HABP2: variants seen among roughly 807,000 people sequenced by gnomAD.
HABP2 encodes hyaluronan binding protein 2.
HABP2 carries 65 observed loss-of-function variants against 66.5 expected under a neutral mutation model. That is an observed-to-expected ratio of 0.98 (90% confidence interval 0.80 to 1.20). HABP2 has a LOEUF of 1.20. Ranked by LOEUF, HABP2 falls within the 50% of genes most tolerant of loss-of-function variation. HABP2 has a pLI of 0.00. For missense variants in HABP2, 786 were observed against 691.0 expected (o/e 1.14, Z -1.54); for synonymous variants, 263 against 253.9 (o/e 1.04, Z -0.34).
At chr10:113,582,174 T>TG (rs753835220) in intron 9 of HABP2, 43 bp downstream of exon 9, 2 of 1,565,672 alleles carry the variant, frequency 1.3e-6, no homozygotes, top group Non-Finnish European at 1.7e-6. Flanking sequence ...CTTGAGTGGC[T>TG]GGGGGTGCTC....
chr10:113,566,583 GAC>G (rs1242378713), intron 1 of HABP2, among the ~76,000 whole-genome samples: 1 of 152,212 alleles, frequency 6.6e-6, no homozygotes, highest in African/African-American at 2.4e-5. Flanking sequence ...CTTTCTGGAG[GAC>G]AGAGTCTGAT....
chr10:113,570,669 G>C (rs937867826), intron 2 of HABP2, among the ~76,000 whole-genome samples: 11 of 152,306 alleles, frequency 7.2e-5, no homozygotes, highest in Non-Finnish European at 1.6e-4. Flanking sequence ...AAGTACATTT[G>C]ACCCATTTCT....
In HABP2 at chr10:113,584,270, G is replaced by A. The variant is rs1240431958; in HGVS notation, c.1360G>A (p.Val454Ile). Residue 454 changes from valine to isoleucine, a missense_variant, in exon 11 of 13, where the codon GTT (valine) becomes ATT (isoleucine). Transcript: ENST00000351270. The part of the protein sequence containing the change: ...GSECHISGWG[V>I]TETGKGSRQL... The stretch of plus-strand genomic sequence containing the variant: ...TGAGTGCCACATCTCTGGCTGGGGT[G>A]TTACAGAAACAGGTGAGTCGGCCAT... 1 of 1,613,896 alleles carries A rather than the reference G, an allele frequency of 6.2e-7. No homozygotes were observed. Among genetic ancestry groups the A allele is most frequent in the Non-Finnish European group, 8.5e-7 (1 of 1,179,874 alleles).
chr10:113,583,474 A>G (rs1845579156), intron 10 of HABP2, 116 bp downstream of exon 10: 2 of 868,162 alleles, frequency 2.3e-6, no homozygotes, highest in Non-Finnish European at 3.7e-6. Flanking sequence ...GTCCCTGTGG[A>G]CCCTGTGCGG....
intron 7 of HABP2, 55 bp downstream of exon 7, chr10:113,578,853 A>T (rs117105950): frequency 8.4e-7 from 1 of 1,184,532 alleles, no homozygotes; most frequent in East Asian, 2.3e-5. Flanking sequence ...TTTAAAACAG[A>T]TCATTGAAAT....
upstream of HABP2, chr10:113,551,109 C>T (rs1844890872): frequency 6.6e-6 from 1 of 152,230 alleles, no homozygotes; most frequent in South Asian, 2.1e-4. Flanking sequence ...GATAACATGT[C>T]CAACTGTCAC....
At chr10:113,560,305 C>CACCTATTAGGATGGCTCACTTCAT (rs1485012939) in intron 1 of HABP2, among the ~76,000 whole-genome samples, 1 of 152,224 alleles carries the variant, frequency 6.6e-6, no homozygotes, top group Admixed American at 6.5e-5. Flanking sequence ...CACCACTTCA[C>CACCTATTAGGATGGCTCACTTCAT]ACCTATTAGG....
intron 1 of HABP2, among the ~76,000 whole-genome samples, chr10:113,564,815 T>C (rs181355422): frequency 7.2e-6 from 1 of 139,136 alleles, no homozygotes; most frequent in Admixed American, 7.9e-5. Context: ...GCAAGTAAAT[T>C]GTAGACATCA....
Position 113,585,941 on chromosome 10 carries a change from CAG to C in HABP2, c.1518+7_1518+8del, listed in dbSNP as rs1564681958. 6.2e-7 allele frequency: 1 copy of C among 1,612,982 alleles called. No individual in the cohort carries two copies. ...AACCTGGGCAAGACACCTGCCAGGT[CAG>C]AGACTCCAAGTGGTGCTTGTGGTAG... On this transcript the variant is annotated splice_donor_5th_base_variant and intron_variant, in intron 12 of 12. Coordinates refer to ENST00000351270, the MANE Select transcript of HABP2 (RefSeq NM_004132.5).
At position 113,580,599 on chromosome 10, in the gene HABP2, C is replaced by T; in HGVS notation, c.745C>T (p.Pro249Ser). 6.5e-7 allele frequency: 1 copy of T among 1,540,324 alleles called. No homozygotes were observed. The highest frequency in any genetic ancestry group is 9.0e-7 in the Non-Finnish European group (1 of 1,112,782). ...TTGTTTTGTTTTGTATTTTAGAAACCCAGATGCGGACGAAAAGCCCTGGTG... is the reference window on the plus strand; with the variant it reads ...TTGTTTTGTTTTGTATTTTAGAAACTCAGATGCGGACGAAAAGCCCTGGTG... ...GIGEHNFCRN[P>S]DADEKPWCFI... The change falls in exon 8 of 13, where the codon CCA becomes TCA. Residue 249 changes from proline to serine, a missense_variant. Transcript: ENST00000351270.
rs137887980 is a variant in HABP2 at position 113,567,025 on chromosome 10, C to T, written c.70-464C>T. Among the ~76,000 whole-genome samples the T allele has an allele frequency of 4.6e-5, 7 of 152,314 alleles. No individual in the cohort carries two copies. In the East Asian group the frequency reaches 1.3e-3, roughly 29 times the overall value. The stretch of plus-strand genomic sequence containing the variant: ...TCACCTGAAGAAATCACCTAGATTT[C>T]AGCATGAATTCCGAATCCTATCACA... On this transcript the variant is annotated intron_variant, in intron 1 of 12. Transcript: ENST00000351270.
intron 1 of HABP2, among the ~76,000 whole-genome samples, chr10:113,566,651 G>T (rs1030087867): frequency 6.6e-6 from 1 of 152,222 alleles, no homozygotes; most frequent in Admixed American, 6.5e-5. Flanking sequence ...CTGCAGTAAG[G>T]ATTATGGAGG....
chr10:113,587,049 T>C (rs1008937336), intron 12 of HABP2, among the ~76,000 whole-genome samples: 3 of 152,226 alleles, frequency 2.0e-5, no homozygotes, highest in Non-Finnish European at 4.4e-5. Flanking sequence ...GCGTGGTGGC[T>C]CAAGCCTGTA....
Position 113,589,154 on chromosome 10 carries a change from C to T in HABP2, c.*785C>T, listed in dbSNP as rs947778297. On this transcript the variant is annotated 3_prime_UTR_variant, in exon 13 of 13. Transcript: ENST00000351270. ...ACTCCCGGCCCCGGTTCCCACAGGA[C>T]ACGCTAAGAAGCACAGGGAGCATTT... 20 of 1,231,024 alleles carry T rather than the reference C, an allele frequency of 1.6e-5. No individual in the cohort carries two copies. In the African/African-American group the frequency reaches 2.4e-4, roughly 15 times the overall value. 76.3% of individuals were successfully genotyped at this position (1,231,024 alleles called of 1,614,324 possible). A position where few individuals can be genotyped will look rare whatever the true frequency, so the allele number is the denominator to read the frequency against.
intron 12 of HABP2, among the ~76,000 whole-genome samples, chr10:113,586,724 T>C (rs1256058016): frequency 1.3e-5 from 2 of 152,162 alleles, no homozygotes; most frequent in East Asian, 3.9e-4. Flanking sequence ...AACACCTCCA[T>C]TTAGAATTTT....
At chr10:113,566,415 G>A (rs1053055152) in intron 1 of HABP2, among the ~76,000 whole-genome samples, 4 of 152,264 alleles carry the variant, frequency 2.6e-5, no homozygotes, top group African/African-American at 7.2e-5. Flanking sequence ...GTTATTAAAT[G>A]AGTAATACTT....
Position 113,589,058 on chromosome 10 carries a change from C to A in HABP2, c.*689C>A. 6.2e-7 allele frequency: 1 copy of A among 1,613,984 alleles called. No individual in the cohort carries two copies. Among genetic ancestry groups the A allele is most frequent in the Non-Finnish European group, 8.5e-7 (1 of 1,179,974 alleles). On this transcript the variant is annotated 3_prime_UTR_variant, in exon 13 of 13. Transcript: ENST00000351270. ...ACCTCCCCACTCTGATGATCTCCAG[C>A]CTCCACTGCTTCTGCCCCCCGCTGC...
intron 1 of HABP2, among the ~76,000 whole-genome samples, chr10:113,565,613 T>C (rs1845184048): frequency 6.6e-6 from 1 of 152,186 alleles, no homozygotes; most frequent in Non-Finnish European, 1.5e-5. Context: ...TGCCCCAACA[T>C]TGAGGCCCCA....
chr10:113,566,773 G>T (rs1325244681), intron 1 of HABP2, among the ~76,000 whole-genome samples: 2 of 152,198 alleles, frequency 1.3e-5, no homozygotes, highest in African/African-American at 2.4e-5. Flanking sequence ...ATAGAGGGGG[G>T]CTTCCAGGCA....
Sources: allele counts gnomAD v4.1 joint callset (sites outside exome capture counted in the v4.1 genomes callset), GRCh38; gene constraint gnomAD v4.1.1; transcripts MANE v1.5; gene names NCBI Gene and HGNC (gene_info 2026-07-23, HGNC 2026-07-21).